Variants in LRBA observed in about 807,000 individuals in gnomAD.
LRBA encodes the protein lipopolysaccharide-responsive and beige-like anchor protein.
Under a neutral mutation model 330.0 loss-of-function variants are expected in LRBA, and 176 were observed. The ratio of observed to expected loss-of-function variants is 0.53; its 90% CI spans 0.47 to 0.60. The LOEUF is 0.60. Ranked by LOEUF, LRBA falls within the 20% of genes least tolerant of loss-of-function variation. LRBA has a pLI of 0.00. For synonymous variants in LRBA, 1,230 were observed against 1,193.0 expected (o/e 1.03, Z -0.64); for missense variants, 3,259 against 3,444.8 (o/e 0.95, Z 1.35).
intron 47 of LRBA, among the ~76,000 whole-genome samples, chr4:150,391,409 A>C (rs569543282): frequency 1.3e-5 from 2 of 152,296 alleles, no homozygotes; most frequent in East Asian, 3.9e-4. Flanking sequence ...ATATAAAAAG[A>C]TTTATTTTGG....
intron 32 of LRBA, among the ~76,000 whole-genome samples, chr4:150,807,696 A>G (rs932523961): frequency 1.1e-4 from 16 of 151,900 alleles, no homozygotes; most frequent in African/African-American, 3.4e-4. Context: ...CCCAGGCTGG[A>G]GTGCAGTGGT....
chr4:150,441,927 A>C (rs1227051234), intron 44 of LRBA, among the ~76,000 whole-genome samples: 1 of 152,168 alleles, frequency 6.6e-6, no homozygotes, highest in Non-Finnish European at 1.5e-5. Context: ...TTCCTGGCAC[A>C]CACACAAAAA....
intron 37 of LRBA, among the ~76,000 whole-genome samples, chr4:150,673,673 T>C (rs1191515559): frequency 6.6e-6 from 1 of 152,190 alleles, no homozygotes; most frequent in African/African-American, 2.4e-5. Flanking sequence ...ACAAATATCA[T>C]GACACTTCAA....
intron 2 of LRBA, among the ~76,000 whole-genome samples, chr4:150,954,247 G>A (rs1016207443): frequency 3.6e-4 from 55 of 151,892 alleles, no homozygotes; most frequent in South Asian, 2.3e-3. Context: ...CTGCCCGGCC[G>A]CCACCCCGTC....
chr4:150,355,940 C>G (rs896168804), intron 47 of LRBA, among the ~76,000 whole-genome samples: 3 of 152,002 alleles, frequency 2.0e-5, no homozygotes, highest in African/African-American at 7.2e-5. Flanking sequence ...TCTTCCTATA[C>G]AAACACATAT....
intron 47 of LRBA, among the ~76,000 whole-genome samples, chr4:150,379,195 T>C (rs975715438): frequency 2.1e-5 from 3 of 146,110 alleles, no homozygotes; most frequent in African/African-American, 7.6e-5. Flanking sequence ...CTCAGCTACT[T>C]GGGAGGCTGA....
rs538665278 is a variant in LRBA at position 150,302,746 on chromosome 4, G to A, written c.7896C>T (p.Cys2632=). 1 of 1,609,542 alleles carries A rather than the reference G, an allele frequency of 6.2e-7. No individual in the cohort carries two copies. Among genetic ancestry groups the A allele is most frequent in the South Asian group, 1.1e-5 (1 of 90,302 alleles). ...CAATATATGACTCAGAACGAGCAAG[G>A]CAAGTGACGACATCCCAATGGCCAA... ...VVFGHWDVVT[C]LARSESYIGG... The change falls in exon 53 of 57, where the codon TGC becomes TGT. Residue 2632 remains cysteine (C), a synonymous_variant. Transcript: ENST00000651943.
intron 33 of LRBA, among the ~76,000 whole-genome samples, chr4:150,802,703 T>C (rs2126691262): frequency 6.6e-6 from 1 of 152,198 alleles, no homozygotes; most frequent in South Asian, 2.1e-4. Context: ...ATTTAACTTT[T>C]AGCTTTAACT....
intron 47 of LRBA, among the ~76,000 whole-genome samples, chr4:150,377,773 ATTTGT>A (rs1044789926): frequency 9.2e-5 from 14 of 151,916 alleles, no homozygotes; most frequent in African/African-American, 3.4e-4. Context: ...TTATTTATTT[ATTTGT>A]TTTGTTTTGT....
At chr4:150,271,928 T>G (rs934974970) in intron 56 of LRBA, among the ~76,000 whole-genome samples, 1 of 152,136 alleles carries the variant, frequency 6.6e-6, no homozygotes, top group Admixed American at 6.5e-5. Context: ...CAGCTGTGGG[T>G]GCAGCTTCAG....
At chr4:150,675,827 A>G (rs1429461837) in intron 37 of LRBA, among the ~76,000 whole-genome samples, 1 of 152,160 alleles carries the variant, frequency 6.6e-6, no homozygotes, top group Non-Finnish European at 1.5e-5. Flanking sequence ...CATCACTATT[A>G]TTATAATTAT....
chr4:150,762,965 C>G (rs1326908705), intron 34 of LRBA, among the ~76,000 whole-genome samples: 1 of 151,968 alleles, frequency 6.6e-6, no homozygotes, highest in Non-Finnish European at 1.5e-5. Context: ...CTTCTACCTT[C>G]TCTTTTCCAT....
At chr4:150,720,982 T>C (rs769562830) in intron 36 of LRBA, 63 of 505,370 alleles carry the variant, frequency 1.2e-4, no homozygotes, top group Non-Finnish European at 1.0e-4. Context: ...AAGGCAGTCA[T>C]GGCACAGAAA....
At chr4:150,422,560 C>T (rs1581261809) in intron 46 of LRBA, 17 of 505,434 alleles carry the variant, frequency 3.4e-5, no homozygotes, top group South Asian at 1.9e-4. Context: ...CTCTGCACCC[C>T]GTCCCTGACC....
chr4:150,501,053 G>A (rs947209239), intron 40 of LRBA, among the ~76,000 whole-genome samples: 5 of 152,106 alleles, frequency 3.3e-5, no homozygotes, highest in African/African-American at 9.7e-5. Context: ...GCCTTCAGAC[G>A]TAATCTTCCA....
At position 150,798,379 on chromosome 4, in the gene LRBA, A is replaced by C. The variant is rs72961830; in HGVS notation, c.5519-237T>G. Among the ~76,000 whole-genome samples, 2,591 of 152,286 alleles carry C rather than the reference A, an allele frequency of 0.017. 54 individuals are homozygous for C. Among genetic ancestry groups the C allele is most frequent in the African/African-American group, 0.055 (2,282 of 41,548 alleles). On this transcript the variant is annotated intron_variant, in intron 33 of 56. Coordinates refer to ENST00000651943, the MANE Select transcript of LRBA (RefSeq NM_001364905.1). Reference sequence around the variant, plus strand: ...ATACTAAAACATTTATTACAACTTCATATATAATGACAATTCACAATACTC... The same window carrying C: ...ATACTAAAACATTTATTACAACTTCCTATATAATGACAATTCACAATACTC...
chr4:150,583,077 C>T lies in LRBA; in HGVS notation c.6330+4971G>A, dbSNP rs150635928. 5.5e-5 allele frequency: 88 copies of T among 1,613,692 alleles called. No homozygotes were observed. In the African/African-American group the frequency reaches 6.9e-4, roughly 13 times the overall value. On this transcript the variant is annotated intron_variant, in intron 40 of 56. Coordinates refer to ENST00000651943, the MANE Select transcript of LRBA (RefSeq NM_001364905.1). The surrounding 1 kb of genome is among the most constrained non-coding windows in gnomAD (Gnocchi z 9.8). ...TGGTTTACCAGCTCAATAAGTACTA[C>T]ACTGAGCGCTGTCAGGCGCGCAAGG...
Position 150,592,144 on chromosome 4 carries a change from G to GTTTT in LRBA, c.6047-1289_6047-1286dup, listed in dbSNP as rs10685627. 7.1e-3 allele frequency among the ~76,000 whole-genome samples: 460 copies of GTTTT among 65,192 alleles called. 80 individuals carry two copies. The highest frequency in any genetic ancestry group is 0.017 in the African/African-American group (243 of 14,526). The allele number at this position is 65,192 out of a possible 152,430, so 42.8% of individuals were successfully genotyped here. A position where few individuals can be genotyped will look rare whatever the true frequency, so the allele number is the denominator to read the frequency against. On this transcript the variant is annotated intron_variant, in intron 38 of 56. Transcript: ENST00000651943. ...TTGATATGGAAATCGGATGGCTAGG[G>GTTTT]TTTTTTTTTTTTTTTTTTTTTTTTT...
At chr4:150,344,119 C>T (rs1415829096) in intron 48 of LRBA, among the ~76,000 whole-genome samples, 1 of 152,072 alleles carries the variant, frequency 6.6e-6, no homozygotes, top group Non-Finnish European at 1.5e-5. Context: ...TTGGATCTTT[C>T]CCATTAATAT....
Sources: gnomAD v4.1 joint callset for allele counts (sites outside exome capture counted in the v4.1 genomes callset) on GRCh38, gnomAD v4.1.1 for gene constraint, Gnocchi (gnomAD v3.1) non-coding constraint, MANE v1.5 for transcripts, NCBI Gene and HGNC (gene_info 2026-07-23, HGNC 2026-07-21) for gene names.